MYO18B: variants seen among roughly 807,000 people sequenced by gnomAD.
The protein encoded by MYO18B is myosin XVIIIB.
Under a neutral mutation model 273.0 loss-of-function variants are expected in MYO18B, and 204 were observed. That is an observed-to-expected ratio of 0.75 (90% confidence interval 0.67 to 0.84). MYO18B has a LOEUF of 0.84. Ranked by LOEUF, MYO18B falls within the 40% of genes least tolerant of loss-of-function variation. The probability of loss-of-function intolerance (pLI) is 0.00; values close to 1 mark genes in which losing one functional copy is unlikely to be tolerated. For missense variants in MYO18B, 3,212 were observed against 3,287.6 expected, an observed-to-expected ratio of 0.98 and a Z score of 0.56; for synonymous variants, 1,330 against 1,305.7, an observed-to-expected ratio of 1.02 and a Z score of -0.40.
At chr22:26,008,949 G>T (rs1934663911) in intron 42 of MYO18B, among the ~76,000 whole-genome samples, 1 of 152,192 alleles carries the variant, frequency 6.6e-6, no homozygotes, top group African/African-American at 2.4e-5. Context: ...CCCAAGCCCA[G>T]TAAAACCCTA....
At chr22:26,033,704 C>T (rs1018876604), downstream of MYO18B, among the ~76,000 whole-genome samples, 4 of 152,150 alleles carry the variant, frequency 2.6e-5, no homozygotes, top group East Asian at 7.7e-4. Context: ...CAACTTCATC[C>T]TCTTTCTTTT....
intron 11 of MYO18B, among the ~76,000 whole-genome samples, chr22:25,786,169 C>A (rs919550570): frequency 1.3e-5 from 2 of 152,180 alleles, no homozygotes; most frequent in African/African-American, 4.8e-5. Context: ...GGTGTATGTT[C>A]CTGCTGAGTG....
chr22:25,895,063 G>A, intron 27 of MYO18B, 93 bp from the exon 28 acceptor site: 1 of 1,438,576 alleles, frequency 7.0e-7, no homozygotes, highest in Non-Finnish European at 9.4e-7. Context: ...GAAATTGCAT[G>A]CCAAGAGCCA....
chr22:25,847,254 C>T (rs1246416089), intron 19 of MYO18B, among the ~76,000 whole-genome samples, 176 bp from the exon 20 acceptor site: 1 of 152,168 alleles, frequency 6.6e-6, no homozygotes, highest in African/African-American at 2.4e-5. Flanking sequence ...TCTGTTTCAA[C>T]AAGAACCATT....
the MYO18B span, among the ~76,000 whole-genome samples, chr22:26,046,903 T>G: frequency 6.6e-6 from 1 of 152,102 alleles, no homozygotes. Context: ...TGGCTGGTAG[T>G]TAGAGCTGGT....
At chr22:25,992,677 T>C (rs2093282470) in intron 40 of MYO18B, among the ~76,000 whole-genome samples, 184 bp downstream of exon 40, 1 of 152,222 alleles carries the variant, frequency 6.6e-6, no homozygotes, top group African/African-American at 2.4e-5. Context: ...GTTTAACCTC[T>C]CCTTGCTGTT....
At chr22:26,013,015 C>T (rs1935035060) in intron 42 of MYO18B, among the ~76,000 whole-genome samples, 1 of 152,214 alleles carries the variant, frequency 6.6e-6, no homozygotes, top group African/African-American at 2.4e-5. Context: ...ATCCTGACTT[C>T]TAACACTGTA....
Position 25,947,811 on chromosome 22 carries a change from A to G in MYO18B, c.5731A>G (p.Lys1911Glu). Reference sequence around the variant, plus strand: ...CCTGAATGAGCTGATGCAGAAGCACAAGGACCTCATTGCTCAGGTAGTGAA... The same window carrying G: ...CCTGAATGAGCTGATGCAGAAGCACGAGGACCTCATTGCTCAGGTAGTGAA... ...DDLNELMQKHKDLIAQSAADI... is the reference protein window; with the variant it reads ...DDLNELMQKHEDLIAQSAADI... Residue 1911 changes from lysine to glutamate, a missense_variant, in exon 36 of 44, where the codon AAG becomes GAG. By Grantham distance (56) the Lys-to-Glu change is moderately conservative. Transcript: ENST00000335473. The G allele has an allele frequency of 6.2e-7, 1 of 1,613,730 alleles. No individual in the cohort carries two copies. Among genetic ancestry groups the G allele is most frequent in the Non-Finnish European group, 8.5e-7 (1 of 1,179,750 alleles).
chr22:25,898,256 A>G, intron 28 of MYO18B, 51 bp from the exon 29 acceptor site: 3 of 1,569,170 alleles, frequency 1.9e-6, no homozygotes, highest in Non-Finnish European at 2.6e-6. Flanking sequence ...CAAAGTAAAA[A>G]GCTCGTTCCA....
chr22:25,814,291 GTTCTTTTTTTTTTTTTTTTTTT>G (rs2088899723), intron 12 of MYO18B, among the ~76,000 whole-genome samples: 2 of 84,624 alleles, frequency 2.4e-5, no homozygotes, highest in Admixed American at 1.7e-4. Context: ...CCCAGGCACC[GTTCTTTTTTTTTTTTTTTTTTT>G]TTTTTTTTTT....
At chr22:25,849,769 A>G (rs11704356) in intron 20 of MYO18B, among the ~76,000 whole-genome samples, 5,798 of 152,312 alleles carry the variant, frequency 0.038, 152 homozygotes, top group East Asian at 0.11. Context: ...ATAATAGCTC[A>G]TATCGCTGAA....
chr22:25,756,692 G>A (rs1375412289), intron 1 of MYO18B: 4 of 152,266 alleles, frequency 2.6e-5, no homozygotes, highest in Non-Finnish European at 5.9e-5. Flanking sequence ...AACTGCCTAA[G>A]CAGCCTTCAT....
At chr22:25,777,922 G>T in intron 8 of MYO18B, 141 bp downstream of exon 8, 2 of 720,010 alleles carry the variant, frequency 2.8e-6, no homozygotes, top group Non-Finnish European at 4.2e-6. Context: ...TTGCTACTGG[G>T]CAGGGCTATC....
At chr22:25,821,697 A>G (rs2089287788) in intron 12 of MYO18B, among the ~76,000 whole-genome samples, 1 of 152,158 alleles carries the variant, frequency 6.6e-6, no homozygotes, top group African/African-American at 2.4e-5. Context: ...GAATGGTGTG[A>G]ACCCAGGAGG....
Position 25,851,887 on chromosome 22 carries a change from C to T in MYO18B, c.3885+308C>T, listed in dbSNP as rs739278. Among the ~76,000 whole-genome samples the T allele has an allele frequency of 0.35, 53,785 of 152,092 alleles. 10,231 individuals are homozygous for T. Among genetic ancestry groups the T allele is most frequent in the East Asian group, 0.68 (3,521 of 5,160 alleles). The stretch of plus-strand genomic sequence containing the variant: ...GCATGAGGTTTCACTCAAATTCTTG[C>T]TCTAGACCAAACCCCCACAACAATG... On this transcript the variant is annotated intron_variant, in intron 21 of 43. Coordinates refer to ENST00000335473, the MANE Select transcript of MYO18B (RefSeq NM_032608.7).
At chr22:25,931,681 CTTTT>C (rs71311530) in intron 34 of MYO18B, among the ~76,000 whole-genome samples, 1 of 123,530 alleles carries the variant, frequency 8.1e-6, no homozygotes, top group Admixed American at 8.3e-5. Context: ...TTTCTTTTTT[CTTTT>C]TTTTTTTTTT....
intron 42 of MYO18B, among the ~76,000 whole-genome samples, chr22:26,010,417 G>A (rs776326400): frequency 5.3e-5 from 8 of 152,098 alleles, no homozygotes; most frequent in Non-Finnish European, 8.8e-5. Context: ...CCTGACCAGC[G>A]GGCCTGGAAA....
chr22:25,926,543 C>T (rs748477326), intron 34 of MYO18B, among the ~76,000 whole-genome samples: 3 of 152,164 alleles, frequency 2.0e-5, no homozygotes, highest in Non-Finnish European at 4.4e-5. Flanking sequence ...GATCCACCCA[C>T]CTCAGCCTCC....
At chr22:25,770,387 G>A (rs889205419) in intron 5 of MYO18B, among the ~76,000 whole-genome samples, 2 of 152,258 alleles carry the variant, frequency 1.3e-5, no homozygotes, top group Non-Finnish European at 2.9e-5. Context: ...TTCTTCCTAC[G>A]GCGTTCTTCG....
Sources: allele counts gnomAD v4.1 joint callset (sites outside exome capture counted in the v4.1 genomes callset), GRCh38; gene constraint gnomAD v4.1.1; transcripts MANE v1.5; gene names NCBI Gene and HGNC (gene_info 2026-07-23, HGNC 2026-07-21).